FAM219A: variants seen among roughly 807,000 people sequenced by gnomAD.
FAM219A encodes the protein family with sequence similarity 219 member A.
Under a neutral mutation model 23.4 loss-of-function variants are expected in FAM219A, and 7 were observed. The observed-to-expected ratio is 0.30, with a 90% CI of 0.17 to 0.56. The LOEUF is 0.56. Ranked by LOEUF, FAM219A falls within the 20% of genes least tolerant of loss-of-function variation. The probability of loss-of-function intolerance (pLI) is 0.92; values close to 1 mark genes in which losing one functional copy is unlikely to be tolerated. For missense variants in FAM219A, 166 were observed against 246.9 expected, an observed-to-expected ratio of 0.67 and a Z score of 2.20; for synonymous variants, 93 against 99.0, an observed-to-expected ratio of 0.94 and a Z score of 0.36.
intron 2 of FAM219A, among the ~76,000 whole-genome samples, chr9:34,403,945 C>T (rs1247721480): frequency 6.6e-6 from 1 of 152,176 alleles, no homozygotes; most frequent in African/African-American, 2.4e-5. Flanking sequence ...TTCTTTCCAG[C>T]AGGTGGCAGC....
intron 1 of FAM219A, among the ~76,000 whole-genome samples, chr9:34,411,472 G>A (rs537907658): frequency 2.6e-5 from 4 of 151,820 alleles, no homozygotes; most frequent in South Asian, 2.1e-4. Flanking sequence ...GGTGGATCAC[G>A]AGGTCAGGAG....
In FAM219A at chr9:34,400,340, G is replaced by C. The variant is rs77393238; in HGVS notation, c.*624C>G. ...CCCCACTCCCAGAGTGCAAGGAAGCGGGTGAATGGGGCAAGAGGAGGAAGA... is the reference window on the plus strand; with the variant it reads ...CCCCACTCCCAGAGTGCAAGGAAGCCGGTGAATGGGGCAAGAGGAGGAAGA... On this transcript the variant is annotated 3_prime_UTR_variant, in exon 6 of 6. Transcript: ENST00000651358. 6.6e-6 allele frequency: 1 copy of C among 152,568 alleles called. No homozygotes were observed. The highest frequency in any genetic ancestry group is 2.4e-5 in the African/African-American group (1 of 41,454). 9.5% of individuals were successfully genotyped at this position (152,568 alleles called of 1,614,324 possible). A position where few individuals can be genotyped will look rare whatever the true frequency, so the allele number is the denominator to read the frequency against.
chr9:34,422,720 C>T (rs1365800976), intron 1 of FAM219A, among the ~76,000 whole-genome samples: 6 of 152,118 alleles, frequency 3.9e-5, no homozygotes, highest in South Asian at 2.1e-4. Context: ...AAAGAAAATG[C>T]GTTGGAAACT....
chr9:34,420,155 T>C (rs948003177), intron 1 of FAM219A, among the ~76,000 whole-genome samples: 5 of 152,048 alleles, frequency 3.3e-5, no homozygotes, highest in African/African-American at 1.2e-4. Context: ...GAGGGCACAA[T>C]GTACACTGGG....
chr9:34,451,835 T>C (rs1222166054), intron 1 of FAM219A, among the ~76,000 whole-genome samples: 1 of 152,194 alleles, frequency 6.6e-6, no homozygotes, highest in Non-Finnish European at 1.5e-5. Flanking sequence ...TGGGCTCTGC[T>C]TCCACCCAAC....
chr9:34,415,058 C>A (rs1821948721), intron 1 of FAM219A, among the ~76,000 whole-genome samples: 1 of 152,088 alleles, frequency 6.6e-6, no homozygotes, highest in Admixed American at 6.6e-5. Context: ...CTCAAGTGAC[C>A]TCCTGCCTTA....
intron 1 of FAM219A, among the ~76,000 whole-genome samples, chr9:34,412,012 A>C (rs371263870): frequency 3.3e-5 from 5 of 152,260 alleles, no homozygotes; most frequent in African/African-American, 1.2e-4. Context: ...TGGAGTCAGG[A>C]GGGGGCTCAG....
At chr9:34,416,263 GA>G in intron 1 of FAM219A, among the ~76,000 whole-genome samples, 1 of 117,946 alleles carries the variant, frequency 8.5e-6, no homozygotes, top group Non-Finnish European at 1.8e-5. Flanking sequence ...AAGAAAGGGG[GA>G]GGGAGGGAGG....
intron 1 of FAM219A, among the ~76,000 whole-genome samples, chr9:34,424,969 T>A (rs1183581700): frequency 1.3e-5 from 2 of 151,996 alleles, no homozygotes. Flanking sequence ...CACACCCAGC[T>A]AATTTTTTGT....
At chr9:34,443,990 T>TGATTCCACATAATTCTCCCTCCCC (rs1176008162) in intron 1 of FAM219A, among the ~76,000 whole-genome samples, 1 of 152,202 alleles carries the variant, frequency 6.6e-6, no homozygotes, top group Non-Finnish European at 1.5e-5. Flanking sequence ...TCTCCCTCCC[T>TGATTCCACATAATTCTCCCTCCCC]GACTCCACAT....
At chr9:34,423,656 G>C (rs753289591) in intron 1 of FAM219A, among the ~76,000 whole-genome samples, 1 of 152,218 alleles carries the variant, frequency 6.6e-6, no homozygotes, top group Non-Finnish European at 1.5e-5. Flanking sequence ...TGACTGCTCT[G>C]GGAGCAGGTC....
intron 1 of FAM219A, among the ~76,000 whole-genome samples, chr9:34,419,166 T>A (rs10972103): frequency 0.14 from 21,678 of 152,056 alleles, 1,846 homozygotes; most frequent in Non-Finnish European, 0.18. Flanking sequence ...AATTTTTTTT[T>A]AAAAAAATTG....
chr9:34,431,295 T>A (rs976069534), intron 1 of FAM219A, among the ~76,000 whole-genome samples: 1 of 152,098 alleles, frequency 6.6e-6, no homozygotes, highest in African/African-American at 2.4e-5. Flanking sequence ...AGGAAGGGAA[T>A]TCTCCATGTG....
At chr9:34,412,602 G>A (rs544406776) in intron 1 of FAM219A, among the ~76,000 whole-genome samples, 12 of 143,068 alleles carry the variant, frequency 8.4e-5, no homozygotes, top group Admixed American at 1.4e-4. Context: ...TGAGCGGAGT[G>A]AAAAAAAAAA....
chr9:34,400,681 C>A lies in FAM219A; in HGVS notation c.*283G>T. The A allele has an allele frequency of 3.1e-6, 1 of 318,336 alleles. No homozygotes were observed. Among genetic ancestry groups the A allele is most frequent in the South Asian group, 1.1e-4 (1 of 9,200 alleles). 19.7% of individuals were successfully genotyped at this position (318,336 alleles called of 1,614,324 possible). A position where few individuals can be genotyped will look rare whatever the true frequency, so the allele number is the denominator to read the frequency against. On this transcript the variant is annotated 3_prime_UTR_variant, in exon 6 of 6. Coordinates refer to ENST00000651358, the MANE Select transcript of FAM219A (RefSeq NM_001184940.2). ...TTCTCTCTTGGCCAGCCCTGGGAAG[C>A]GGGGCAGGGTGCTGGGTGAGGTTCC...
intron 1 of FAM219A, among the ~76,000 whole-genome samples, chr9:34,425,479 T>TTAAA (rs1822426518): frequency 6.6e-6 from 1 of 152,142 alleles, no homozygotes; most frequent in Non-Finnish European, 1.5e-5. Context: ...AAACTCTGTC[T>TTAAA]TAAATAAATA....
At chr9:34,412,739 A>G (rs1051969547) in intron 1 of FAM219A, among the ~76,000 whole-genome samples, 9 of 152,254 alleles carry the variant, frequency 5.9e-5, no homozygotes, top group Non-Finnish European at 4.4e-5. Context: ...AAGGTGGAAG[A>G]AATCAACAGT....
chr9:34,421,005 T>TGAGAGAGAGAGAGAGAGAGAGA (rs1413300702), intron 1 of FAM219A, among the ~76,000 whole-genome samples: 3 of 41,514 alleles, frequency 7.2e-5, no homozygotes, highest in Admixed American at 2.2e-4. Context: ...TGTGTGTGTG[T>TGAGAGAGAGAGAGAGAGAGAGA]GTGTGAGAGA....
intron 3 of FAM219A, 69 bp from the exon 4 acceptor site, chr9:34,402,536 G>C (rs1469576340): frequency 7.5e-6 from 12 of 1,595,666 alleles, no homozygotes; most frequent in Non-Finnish European, 9.4e-6. Flanking sequence ...GACTGGGTTG[G>C]GCCCCGTCCC....
Sources: gnomAD v4.1 joint callset for allele counts (sites outside exome capture counted in the v4.1 genomes callset) on GRCh38, gnomAD v4.1.1 for gene constraint, MANE v1.5 for transcripts, NCBI Gene and HGNC (gene_info 2026-07-23, HGNC 2026-07-21) for gene names.